TMEM266: variants seen among roughly 807,000 people sequenced by gnomAD.
TMEM266 encodes Hv1 related protein 1.
Under a neutral mutation model 50.5 loss-of-function variants are expected in TMEM266, and 33 were observed. The observed-to-expected ratio is 0.65, with a 90% CI of 0.50 to 0.87. TMEM266 has a LOEUF of 0.87. Ranked by LOEUF, TMEM266 falls within the 40% of genes least tolerant of loss-of-function variation. TMEM266 has a pLI of 0.00. For missense variants in TMEM266, 655 were observed against 695.1 expected (o/e 0.94, Z 0.65); for synonymous variants, 310 against 292.3 (o/e 1.06, Z -0.62).
chr15:76,200,165 C>T (rs914014409), intron 9 of TMEM266, among the ~76,000 whole-genome samples: 1 of 152,138 alleles, frequency 6.6e-6, no homozygotes, highest in Admixed American at 6.5e-5. Context: ...TGAGAAGCTG[C>T]CCAGGAGCTG....
rs896726777 is a variant in TMEM266, at chr15:76,202,092, G to A, written c.959-110G>A. ...GCAGCTCCCGTCACACACACCAAGG[G>A]CTTCTGTGAGACAGCTGCCTTCTCT... On this transcript the variant is annotated intron_variant, in intron 9 of 10. Transcript: ENST00000388942. 5 of 917,356 alleles carry A rather than the reference G, an allele frequency of 5.5e-6. No individual in the cohort carries two copies. In the Admixed American group the frequency reaches 7.7e-5, roughly 14 times the overall value. 56.8% of individuals were successfully genotyped at this position (917,356 alleles called of 1,614,324 possible).
chr15:76,196,461 T>C (rs1246090058), intron 9 of TMEM266, among the ~76,000 whole-genome samples: 1 of 152,216 alleles, frequency 6.6e-6, no homozygotes, highest in African/African-American at 2.4e-5. Flanking sequence ...TGATCTCTCC[T>C]TGACCAGGAA....
At position 76,204,377 on chromosome 15, in the gene TMEM266, T is replaced by A; in HGVS notation, c.*62T>A. The A allele has an allele frequency of 1.4e-6, 2 of 1,476,400 alleles. No individual in the cohort carries two copies. Among genetic ancestry groups the A allele is most frequent in the Non-Finnish European group, 1.8e-6 (2 of 1,091,510 alleles). The allele number at this position is 1,476,400 out of a possible 1,614,324, so 91.5% of individuals were successfully genotyped here. ...CCATCTCAAAGCTCTCCTGGGACCCTGGAGGCTGCCAAGGGCCACACGCGG... is the reference window on the plus strand; with the variant it reads ...CCATCTCAAAGCTCTCCTGGGACCCAGGAGGCTGCCAAGGGCCACACGCGG... On this transcript the variant is annotated 3_prime_UTR_variant, in exon 11 of 11. Transcript: ENST00000388942.
At chr15:76,116,343 T>C (rs2037246089) in intron 1 of TMEM266, among the ~76,000 whole-genome samples, 1 of 152,206 alleles carries the variant, frequency 6.6e-6, no homozygotes. Context: ...ACTCCCATAC[T>C]GCACGCAGCC....
In TMEM266 at chr15:76,204,064, G is replaced by A. The variant is rs1240946980; in HGVS notation, c.1345G>A (p.Glu449Lys). The change falls in exon 11 of 11, where the codon GAG becomes AAG. Residue 449 changes from glutamate (E) to lysine (K), a missense_variant. This residue lies in a region of TMEM266 where 455 missense variants were observed against 401.8 expected (regional missense o/e 1.13). Coordinates refer to ENST00000388942, the MANE Select transcript of TMEM266 (RefSeq NM_152335.3). ...CCAGGACCTGCTGTCCTCCCTGTCGGAGGACCCCTGCCCTTCCCAGAAGGC... is the reference window on the plus strand; with the variant it reads ...CCAGGACCTGCTGTCCTCCCTGTCGAAGGACCCCTGCCCTTCCCAGAAGGC... 1.9e-6 allele frequency: 3 copies of A among 1,612,244 alleles called. No individual in the cohort carries two copies. The highest frequency in any genetic ancestry group is 2.2e-5 in the East Asian group (1 of 44,800).
intron 9 of TMEM266, among the ~76,000 whole-genome samples, chr15:76,197,862 T>C (rs932774705): frequency 5.3e-5 from 8 of 152,176 alleles, no homozygotes; most frequent in Non-Finnish European, 1.0e-4. Flanking sequence ...ACCCTTTCTC[T>C]CCACCTCTGC....
chr15:76,182,083 G>A (rs2038419243), intron 8 of TMEM266, among the ~76,000 whole-genome samples: 1 of 152,212 alleles, frequency 6.6e-6, no homozygotes. Context: ...TGGGACCTGT[G>A]AGCCCCTTAG....
At chr15:76,188,085 C>G (rs1018907319) in intron 8 of TMEM266, among the ~76,000 whole-genome samples, 4 of 151,976 alleles carry the variant, frequency 2.6e-5, no homozygotes, top group Non-Finnish European at 5.9e-5. Flanking sequence ...TGCCTTCCCC[C>G]CCCACCCCGC....
At chr15:76,136,924 C>T (rs1187648804) in intron 2 of TMEM266, among the ~76,000 whole-genome samples, 1 of 152,152 alleles carries the variant, frequency 6.6e-6, no homozygotes, top group Non-Finnish European at 1.5e-5. Flanking sequence ...CCAAATATCC[C>T]CTGGTAGATT....
intron 3 of TMEM266, among the ~76,000 whole-genome samples, chr15:76,149,943 A>G (rs2037812546): frequency 6.6e-6 from 1 of 152,230 alleles, no homozygotes; most frequent in Non-Finnish European, 1.5e-5. Context: ...TAAATATAGT[A>G]AAGTGGGACC....
intron 5 of TMEM266, among the ~76,000 whole-genome samples, chr15:76,166,623 C>G (rs1316893572): frequency 6.6e-6 from 1 of 152,226 alleles, no homozygotes; most frequent in Non-Finnish European, 1.5e-5. Context: ...TGCTCAACTT[C>G]TGCTGGCTGA....
chr15:76,099,783 C>T (rs72736806), intron 1 of TMEM266, among the ~76,000 whole-genome samples: 34,727 of 152,002 alleles, frequency 0.23, 4,362 homozygotes, highest in Non-Finnish European at 0.27. Flanking sequence ...ACTATTCTTA[C>T]CTGAGACTGG....
At chr15:76,190,578 T>C (rs1333070213) in intron 8 of TMEM266, among the ~76,000 whole-genome samples, 1 of 151,698 alleles carries the variant, frequency 6.6e-6, no homozygotes, top group African/African-American at 2.4e-5. Context: ...GCTGCTGGAC[T>C]TGGGGGATGG....
Position 76,118,283 on chromosome 15 carries a change from C to T in TMEM266, c.-96-15885C>T, listed in dbSNP as rs144160214. On this transcript the variant is annotated intron_variant, in intron 1 of 10. Coordinates refer to ENST00000388942, the MANE Select transcript of TMEM266 (RefSeq NM_152335.3). ...TCTAATGAGATTGAAAACTTGAGGC[C>T]GGGTGTGGTGGCTCATGCCTGGAAT... is the stretch of plus-strand genomic sequence containing the variant. Among the ~76,000 whole-genome samples, 462 of 152,258 alleles carry T rather than the reference C, an allele frequency of 3.0e-3. 9 individuals carry two copies. The East Asian group carries it at 0.036, about 12-fold the overall frequency.
chr15:76,136,482 AC>A (rs945085927), intron 2 of TMEM266, among the ~76,000 whole-genome samples: 2 of 152,142 alleles, frequency 1.3e-5, no homozygotes, highest in Non-Finnish European at 1.5e-5. Context: ...TGGCATTCAA[AC>A]CAGCACCAGA....
At chr15:76,089,742 G>A (rs776170666) in intron 1 of TMEM266, among the ~76,000 whole-genome samples, 4 of 152,170 alleles carry the variant, frequency 2.6e-5, no homozygotes, top group African/African-American at 9.7e-5. Flanking sequence ...GGGCACAGGC[G>A]AGGGCAGAGG....
intron 7 of TMEM266, among the ~76,000 whole-genome samples, chr15:76,173,942 TAA>T (rs1223957903): frequency 8.2e-6 from 1 of 121,976 alleles, no homozygotes; most frequent in African/African-American, 3.0e-5. Context: ...CAAAAAAAAA[TAA>T]AAAAAAAAAA....
rs140029915 is a variant in TMEM266, at chr15:76,122,531, T to C, written c.-96-11637T>C. Reference sequence around the variant, plus strand: ...CTGGCAAAGTTAATTATATCCGGGTTCCTAACATATTTTAGTTAATAGCAT... The same window carrying C: ...CTGGCAAAGTTAATTATATCCGGGTCCCTAACATATTTTAGTTAATAGCAT... On this transcript the variant is annotated intron_variant, in intron 1 of 10. Coordinates refer to ENST00000388942, the MANE Select transcript of TMEM266 (RefSeq NM_152335.3). Among the ~76,000 whole-genome samples, 1,102 of 152,342 alleles carry C rather than the reference T, an allele frequency of 7.2e-3. 9 individuals are homozygous for C. The highest frequency in any genetic ancestry group is 0.025 in the African/African-American group (1,038 of 41,564).
chr15:76,158,131 C>G (rs1402843587), intron 4 of TMEM266, among the ~76,000 whole-genome samples: 1 of 152,226 alleles, frequency 6.6e-6, no homozygotes, highest in African/African-American at 2.4e-5. Context: ...TCTTGGCCTT[C>G]CATTCTCAAA....
Sources: allele counts gnomAD v4.1 joint callset (sites outside exome capture counted in the v4.1 genomes callset), GRCh38; gene constraint gnomAD v4.1.1; regional missense constraint gnomAD v4.1.1; transcripts MANE v1.5; gene names NCBI Gene and HGNC (gene_info 2026-07-23, HGNC 2026-07-21).